AAMP: variants seen among roughly 807,000 people sequenced by gnomAD.
AAMP encodes the protein angio-associated migratory cell protein.
A neutral mutation model predicts 51.1 loss-of-function variants in AAMP; 12 were observed. The observed-to-expected ratio is 0.23, with a 90% CI of 0.15 to 0.38. The LOEUF (loss-of-function observed/expected upper bound fraction) is 0.38, where lower values mean the gene tolerates loss of function less well. Among genes scored for constraint, AAMP ranks in the 10% least tolerant of loss-of-function variants. AAMP has a pLI of 1.00. For synonymous variants in AAMP, 210 were observed against 218.7 expected, an observed-to-expected ratio of 0.96 and a Z score of 0.35; for missense variants, 418 against 557.2, an observed-to-expected ratio of 0.75 and a Z score of 2.52.
chr2:218,268,689 G>T (rs1411870557), intron 2 of AAMP, among the ~76,000 whole-genome samples: 3 of 142,262 alleles, frequency 2.1e-5, no homozygotes, highest in African/African-American at 7.6e-5. Context: ...TTTTATCAAA[G>T]ATAACTTTTT....
Position 218,264,372 on chromosome 2 carries a change from G to A in AAMP, c.*161C>T. 1 of 711,346 alleles carries A rather than the reference G, an allele frequency of 1.4e-6. No individual in the cohort carries two copies. Among genetic ancestry groups the A allele is most frequent in the South Asian group, 1.7e-5 (1 of 58,874 alleles). 44.1% of individuals were successfully genotyped at this position (711,346 alleles called of 1,614,324 possible). A position where few individuals can be genotyped will look rare whatever the true frequency, so the allele number is the denominator to read the frequency against. On this transcript the variant is annotated 3_prime_UTR_variant, in exon 11 of 11. Transcript: ENST00000248450. Reference sequence around the variant, plus strand: ...GAGGGCCCTGGGCTGGGTCTCTAAAGAGAAGAAAAGGAGAGGGGAGCAAGT... The same window carrying A: ...GAGGGCCCTGGGCTGGGTCTCTAAAAAGAAGAAAAGGAGAGGGGAGCAAGT...
rs1384921373 is a variant in AAMP, at chr2:218,265,806, C to G, written c.879+25G>C. 2.5e-6 allele frequency: 4 copies of G among 1,601,424 alleles called. No homozygotes were observed. The highest frequency in any genetic ancestry group is 3.4e-6 in the Non-Finnish European group (4 of 1,170,918). ...GAGAGGAGTCGGGAAAGCGGAGGCC[C>G]CAGCCGGGCTCCAGGTCCACTCACC... On this transcript the variant is annotated intron_variant, in intron 7 of 10. Coordinates refer to ENST00000248450, the MANE Select transcript of AAMP (RefSeq NM_001087.5). This position sits in a 1 kb window ranked among gnomAD's most constrained non-coding sequence, Gnocchi z 6.6.
At position 218,264,434 on chromosome 2, in the gene AAMP, C is replaced by G; in HGVS notation, c.*99G>C. The G allele has an allele frequency of 2.5e-6, 3 of 1,178,882 alleles. No homozygotes were observed. Among genetic ancestry groups the G allele is most frequent in the Non-Finnish European group, 3.8e-6 (3 of 790,214 alleles). The allele number at this position is 1,178,882 out of a possible 1,614,324, so 73.0% of individuals were successfully genotyped here. A position where few individuals can be genotyped will look rare whatever the true frequency, so the allele number is the denominator to read the frequency against. On this transcript the variant is annotated 3_prime_UTR_variant, in exon 11 of 11. Coordinates refer to ENST00000248450, the MANE Select transcript of AAMP (RefSeq NM_001087.5). ...GCTGGAAAGTCATCCAGGGCCCCAC[C>G]CTCCTCTTCCCTCTGTGCCCTACTG...
At chr2:218,268,792 G>A (rs1168646990) in intron 2 of AAMP, among the ~76,000 whole-genome samples, 11 of 149,490 alleles carry the variant, frequency 7.4e-5, no homozygotes, top group Admixed American at 2.0e-4. Context: ...TCCGCCTCCC[G>A]GGTTCAAGCA....
In AAMP at chr2:218,267,225, C is replaced by T. The variant is rs1415047366; in HGVS notation, c.395-239G>A. Reference sequence around the variant, plus strand: ...AGTCCCAGCCTCCTATGCCTTCCCCCTTCTGTCCACTCTACACCTCTGCCC... The same window carrying T: ...AGTCCCAGCCTCCTATGCCTTCCCCTTTCTGTCCACTCTACACCTCTGCCC... On this transcript the variant is annotated intron_variant, in intron 3 of 10. Transcript: ENST00000248450. The surrounding 1 kb of genome is among the most constrained non-coding windows in gnomAD (Gnocchi z 4.6). 2.0e-5 allele frequency among the ~76,000 whole-genome samples: 3 copies of T among 152,170 alleles called. No individual in the cohort carries two copies. The highest frequency in any genetic ancestry group is 4.4e-5 in the Non-Finnish European group (3 of 68,020).
chr2:218,265,510 C>T lies in AAMP; in HGVS notation c.984-49G>A, dbSNP rs73086117. 5.1e-3 allele frequency: 8,018 copies of T among 1,564,560 alleles called. 252 individuals carry two copies. In the African/African-American group the frequency reaches 0.082, roughly 16 times the overall value. On this transcript the variant is annotated intron_variant, in intron 8 of 10. Transcript: ENST00000248450. This position sits in a 1 kb window ranked among gnomAD's most constrained non-coding sequence, Gnocchi z 6.6. ...AGACTCATGAGGGCCTGGACTCACA[C>T]GCCCTGCCGTCCTCCCGGGCCCCCA...
At chr2:218,264,635 G>C (rs1690577080) in intron 10 of AAMP, 27 bp from the exon 11 acceptor site, 2 of 1,608,214 alleles carry the variant, frequency 1.2e-6, no homozygotes. Context: ...TGTGATTGCA[G>C]AGACTGGGGG....
In AAMP at chr2:218,270,041, G is replaced by C; in HGVS notation, c.46C>G (p.Leu16Val). The C allele has an allele frequency of 6.2e-7, 1 of 1,614,172 alleles. No individual in the cohort carries two copies. Among genetic ancestry groups the C allele is most frequent in the Non-Finnish European group, 8.5e-7 (1 of 1,180,020 alleles). ...ESGAAADTPP[L>V]ETLSFHGDEE... ...TCACCATGGAAGCTTAGGGTCTCCAGTGGGGGGGTGTCAGCAGCAGCCCCG... is the reference window on the plus strand; with the variant it reads ...TCACCATGGAAGCTTAGGGTCTCCACTGGGGGGGTGTCAGCAGCAGCCCCG... The change falls in exon 1 of 11, where the codon CTG becomes GTG. Residue 16 changes from leucine to valine, a missense_variant. By Grantham distance (32) the Leu-to-Val change is conservative. Transcript: ENST00000248450.
rs1690637043 is a variant in AAMP at position 218,266,683 on chromosome 2, G to A, written c.535-96C>T. The A allele has an allele frequency of 1.9e-6, 3 of 1,555,878 alleles. No individual in the cohort carries two copies. The highest frequency in any genetic ancestry group is 2.6e-6 in the Non-Finnish European group (3 of 1,146,622). On this transcript the variant is annotated intron_variant, in intron 4 of 10. Coordinates refer to ENST00000248450, the MANE Select transcript of AAMP (RefSeq NM_001087.5). This position sits in a 1 kb window ranked among gnomAD's most constrained non-coding sequence, Gnocchi z 4.7. ...CCACCCAAGGTTTCCTGCCTCTGGGGTTCCGCGGGGACTTTCCAGGTAGCA... is the reference window on the plus strand; with the variant it reads ...CCACCCAAGGTTTCCTGCCTCTGGGATTCCGCGGGGACTTTCCAGGTAGCA...
intron 10 of AAMP, 34 bp from the exon 11 acceptor site, chr2:218,264,642 G>A: frequency 5.6e-6 from 9 of 1,601,620 alleles, no homozygotes; most frequent in South Asian, 1.1e-5. Flanking sequence ...GCAGAGACTG[G>A]GGGACCCAAG....
rs898239445 is a variant in AAMP, at chr2:218,269,280, T to C, written c.274+102A>G. On this transcript the variant is annotated intron_variant, in intron 2 of 10. Transcript: ENST00000248450. ...GCTCCTCCAGCGCAAGGCCAGCATC[T>C]TGCCCATCTCTGTGTCCCCCATAAC... The C allele has an allele frequency of 1.2e-5, 18 of 1,476,544 alleles. No homozygotes were observed. In the African/African-American group the frequency reaches 2.5e-4, roughly 20 times the overall value. The allele number at this position is 1,476,544 out of a possible 1,614,324, so 91.5% of individuals were successfully genotyped here. A position where few individuals can be genotyped will look rare whatever the true frequency, so the allele number is the denominator to read the frequency against.
At position 218,270,112 on chromosome 2, in the gene AAMP, T is replaced by C; in HGVS notation, c.-26A>G. Reference sequence around the variant, plus strand: ...GCGGCGCAAGCGGCGGATCCACTTCTCTGGGCCCAAACGCCTCCCAGAGTC... The same window carrying C: ...GCGGCGCAAGCGGCGGATCCACTTCCCTGGGCCCAAACGCCTCCCAGAGTC... On this transcript the variant is annotated 5_prime_UTR_variant, in exon 1 of 11. Transcript: ENST00000248450. The C allele has an allele frequency of 1.2e-6, 2 of 1,612,460 alleles. No homozygotes were observed. The highest frequency in any genetic ancestry group is 1.7e-6 in the Non-Finnish European group (2 of 1,179,254).
rs1194288616 is a variant in AAMP, at chr2:218,265,334, C to T, written c.1074+37G>A. The T allele has an allele frequency of 1.3e-6, 2 of 1,537,170 alleles. No homozygotes were observed. Among genetic ancestry groups the T allele is most frequent in the African/African-American group, 2.7e-5 (2 of 72,954 alleles). On this transcript the variant is annotated intron_variant, in intron 9 of 10. Transcript: ENST00000248450. This position sits in a 1 kb window ranked among gnomAD's most constrained non-coding sequence, Gnocchi z 6.6. ...GCCTGGGCTTCCCCACCACTATGGA[C>T]ACAGCCCACAGGGACCCCAGCTCCA...
intron 2 of AAMP, among the ~76,000 whole-genome samples, chr2:218,269,096 G>C (rs1230460859): frequency 6.6e-6 from 1 of 152,240 alleles, no homozygotes; most frequent in Admixed American, 6.5e-5. Context: ...GCCTCCTAAA[G>C]TGCTGGGATT....
At chr2:218,268,694 C>CT (rs150733595) in intron 2 of AAMP, among the ~76,000 whole-genome samples, 1,118 of 109,416 alleles carry the variant, frequency 0.01, 22 homozygotes, top group African/African-American at 0.022. Flanking sequence ...TCAAAGATAA[C>CT]TTTTTTTTTT....
At position 218,265,196 on chromosome 2, in the gene AAMP, G is replaced by A; in HGVS notation, c.1075-22C>T. The A allele has an allele frequency of 7.0e-6, 11 of 1,572,088 alleles. No homozygotes were observed. Among genetic ancestry groups the A allele is most frequent in the Non-Finnish European group, 9.5e-6 (11 of 1,158,954 alleles). ...CCGACTGCCCCGAGGAATGACAGAG[G>A]CAGGGCGGAGGTTGGCAGGAGAGCT... On this transcript the variant is annotated intron_variant, in intron 9 of 10. Transcript: ENST00000248450. The surrounding 1 kb of genome is among the most constrained non-coding windows in gnomAD (Gnocchi z 6.6).
Position 218,265,582 on chromosome 2 carries a change from C to G in AAMP, c.980G>C (p.Ser327Thr). 1 of 1,613,902 alleles carries G rather than the reference C, an allele frequency of 6.2e-7. No individual in the cohort carries two copies. Among genetic ancestry groups the G allele is most frequent in the Non-Finnish European group, 8.5e-7 (1 of 1,179,912 alleles). The change falls in exon 8 of 11, where the codon AGT becomes ACT. Residue 327 changes from serine to threonine, a missense_variant. Transcript: ENST00000248450. The surrounding 1 kb of genome is among the most constrained non-coding windows in gnomAD (Gnocchi z 6.6). ...CCCTTTCCCCATCCTCACTCACACA[C>G]TGCAGAAGCCCAAGGACTCCACCGA... is the stretch of plus-strand genomic sequence containing the variant. ...SNSVESLGFC[S>T]VMPLAAVGYL...
chr2:218,266,186 G>T lies in AAMP; in HGVS notation c.680-39C>A. 6.4e-7 allele frequency: 1 copy of T among 1,566,200 alleles called. No homozygotes were observed. Among genetic ancestry groups the T allele is most frequent in the Non-Finnish European group, 8.8e-7 (1 of 1,136,840 alleles). ...CAGATGAAGAGAGGGCAGAGGGCAC[G>T]CTCACATACACTAAGCAAGGGAATG... On this transcript the variant is annotated intron_variant, in intron 5 of 10. Transcript: ENST00000248450. The surrounding 1 kb of genome is among the most constrained non-coding windows in gnomAD (Gnocchi z 4.7).
chr2:218,265,770 CAGGA>C lies in AAMP; in HGVS notation c.879+57_879+60del, dbSNP rs540795561. On this transcript the variant is annotated intron_variant, in intron 7 of 10. Coordinates refer to ENST00000248450, the MANE Select transcript of AAMP (RefSeq NM_001087.5). The surrounding 1 kb of genome is among the most constrained non-coding windows in gnomAD (Gnocchi z 6.6). ...GTGGGGAGAGGAGACAGTGAAGACC[CAGGA>C]AGGAAGGAGAGGAGTCGGGAAAGCG... 6.1e-4 allele frequency: 971 copies of C among 1,579,534 alleles called. 1 individual carries two copies. Among genetic ancestry groups the C allele is most frequent in the Non-Finnish European group, 4.0e-4 (462 of 1,151,822 alleles).
Sources: gnomAD v4.1 joint callset for allele counts (sites outside exome capture counted in the v4.1 genomes callset) on GRCh38, gnomAD v4.1.1 for gene constraint, Gnocchi (gnomAD v3.1) non-coding constraint, MANE v1.5 for transcripts, NCBI Gene and HGNC (gene_info 2026-07-23, HGNC 2026-07-21) for gene names.